Variants in INSL6 observed in about 807,000 individuals in gnomAD.
INSL6 encodes the protein insulin like 6.
Under a neutral mutation model 9.4 loss-of-function variants are expected in INSL6, and 16 were observed. That is an observed-to-expected ratio of 1.70 (90% CI 1.15 to 2.59). The LOEUF (loss-of-function observed/expected upper bound fraction) is 2.59, where lower values mean the gene tolerates loss of function less well. Among genes scored for constraint, INSL6 ranks in the 30% most tolerant of loss-of-function variants. The probability of loss-of-function intolerance (pLI) is 0.00; values close to 1 mark genes in which losing one functional copy is unlikely to be tolerated. For synonymous variants in INSL6, 154 were observed against 96.9 expected (o/e 1.59, Z -3.46); for missense variants, 391 against 257.3 (o/e 1.52, Z -3.56).
chr9:5,135,498 G>A (rs922472548), intron 2 of INSL6, among the ~76,000 whole-genome samples: 2 of 152,162 alleles, frequency 1.3e-5, no homozygotes, highest in Non-Finnish European at 2.9e-5. Context: ...CATGGAAACT[G>A]AACAACCTGC....
At chr9:5,127,869 T>G (rs1380385662) in intron 3 of INSL6, 2 of 232,436 alleles carry the variant, frequency 8.6e-6, no homozygotes, top group Non-Finnish European at 1.7e-5. Flanking sequence ...TTATTTCCTT[T>G]TTAGAGGGGA....
At chr9:5,028,379 C>T in the INSL6 span, among the ~76,000 whole-genome samples, 2 of 152,168 alleles carry the variant, frequency 1.3e-5, no homozygotes, top group Non-Finnish European at 2.9e-5. Flanking sequence ...GTGCTATCTT[C>T]TAGGCTTTGT....
At chr9:5,025,094 A>G in the INSL6 span, among the ~76,000 whole-genome samples, 2 of 151,074 alleles carry the variant, frequency 1.3e-5, no homozygotes, top group Non-Finnish European at 2.9e-5. Flanking sequence ...ATCTTTGCCT[A>G]TTTTCTGTAG....
the INSL6 span, among the ~76,000 whole-genome samples, chr9:4,998,798 T>C: frequency 6.6e-6 from 1 of 151,736 alleles, no homozygotes; most frequent in Non-Finnish European, 1.5e-5. Flanking sequence ...TGCAGAATAA[T>C]TTATATTTTC....
At position 5,163,902 on chromosome 9, in the gene INSL6, T is replaced by A. The variant is rs777617774; in HGVS notation, c.*11A>T. ...TAAGCTTTTATTAGGTTAGAAAAAA[T>A]TCTAAGATGGTTAGTATATCTTAGT... On this transcript the variant is annotated 3_prime_UTR_variant, in exon 2 of 2. Transcript: ENST00000381641. 2.0e-6 allele frequency: 3 copies of A among 1,533,208 alleles called. No individual in the cohort carries two copies. Among genetic ancestry groups the A allele is most frequent in the Non-Finnish European group, 2.7e-6 (3 of 1,119,466 alleles). The allele number at this position is 1,533,208 out of a possible 1,614,324, so 95.0% of individuals were successfully genotyped here.
the INSL6 span, among the ~76,000 whole-genome samples, chr9:5,006,469 T>G: frequency 6.6e-6 from 1 of 152,212 alleles, no homozygotes; most frequent in African/African-American, 2.4e-5. Flanking sequence ...GTTCTCATAT[T>G]GCTATAAAGA....
chr9:5,102,948 T>A, the INSL6 span, among the ~76,000 whole-genome samples: 1 of 151,818 alleles, frequency 6.6e-6, no homozygotes, highest in Non-Finnish European at 1.5e-5. Context: ...ACATACCAAA[T>A]TGTAAAGACC....
At chr9:5,176,940 A>C (rs971022274) in intron 1 of INSL6, among the ~76,000 whole-genome samples, 64 of 152,218 alleles carry the variant, frequency 4.2e-4, no homozygotes, top group Non-Finnish European at 3.4e-4. Context: ...AAGAAAAAAA[A>C]GTATTAAGCA....
At chr9:5,111,721 C>T in the INSL6 span, 2 of 433,638 alleles carry the variant, frequency 4.6e-6, no homozygotes, top group South Asian at 1.7e-5. Context: ...TGCACCAGCA[C>T]GAGCGCGTGG....
At chr9:5,107,972 T>G in the INSL6 span, 5 of 152,198 alleles carry the variant, frequency 3.3e-5, no homozygotes, top group African/African-American at 1.2e-4. Flanking sequence ...ATAATATGAT[T>G]CTCTAAAAAT....
the INSL6 span, among the ~76,000 whole-genome samples, chr9:5,057,588 T>C: frequency 5.4e-5 from 8 of 148,292 alleles, no homozygotes; most frequent in East Asian, 1.4e-3. Context: ...TTCTTTTTTT[T>C]TTTTTTTTTT....
the INSL6 span, among the ~76,000 whole-genome samples, chr9:5,069,645 C>T: frequency 6.6e-6 from 1 of 151,834 alleles, no homozygotes; most frequent in Non-Finnish European, 1.5e-5. Flanking sequence ...AAGGAAGTTA[C>T]TATAATTTTG....
the INSL6 span, among the ~76,000 whole-genome samples, chr9:5,002,550 A>G: frequency 6.6e-6 from 1 of 151,962 alleles, no homozygotes; most frequent in Admixed American, 6.6e-5. Context: ...GGACCAACCT[A>G]TGGTATAACT....
At chr9:5,153,776 G>A (rs1330371488) in intron 2 of INSL6, among the ~76,000 whole-genome samples, 1 of 152,176 alleles carries the variant, frequency 6.6e-6, no homozygotes, top group South Asian at 2.1e-4. Flanking sequence ...GGATGTGGAG[G>A]ACCTCTTCAA....
chr9:5,178,723 T>C (rs1825376676), intron 1 of INSL6, among the ~76,000 whole-genome samples: 1 of 152,098 alleles, frequency 6.6e-6, no homozygotes, highest in Non-Finnish European at 1.5e-5. Context: ...CCTACAACCA[T>C]ACGATCTTGG....
the INSL6 span, chr9:5,085,291 G>A: frequency 2.1e-5 from 15 of 715,648 alleles, no homozygotes; most frequent in Middle Eastern, 2.5e-4. Context: ...GCCTATGTTA[G>A]AACATGAGGT....
the INSL6 span, chr9:5,112,492 G>A: frequency 5.0e-5 from 28 of 555,088 alleles, no homozygotes; most frequent in East Asian, 2.3e-4. Context: ...AGACAAGGAC[G>A]AGGAGGAAGA....
At chr9:5,112,300 C>T in the INSL6 span, 1 of 267,700 alleles carries the variant, frequency 3.7e-6, no homozygotes, top group Admixed American at 5.0e-5. Context: ...TCCATGTTGC[C>T]CTCTCCAGCT....
At chr9:5,155,165 G>A (rs570426711) in intron 2 of INSL6, among the ~76,000 whole-genome samples, 2 of 151,966 alleles carry the variant, frequency 1.3e-5, no homozygotes, top group African/African-American at 4.8e-5. Context: ...ATGAGTTCAT[G>A]TCCTTTGTAG....
Sources: allele counts gnomAD v4.1 joint callset (sites outside exome capture counted in the v4.1 genomes callset), GRCh38; gene constraint gnomAD v4.1.1; transcripts MANE v1.5; gene names NCBI Gene and HGNC (gene_info 2026-07-23, HGNC 2026-07-21).